CNTNAP2: variants seen among roughly 807,000 people sequenced by gnomAD.
CNTNAP2 encodes the protein contactin-associated protein-like 2.
In CNTNAP2, 98 loss-of-function variants were observed where a neutral mutation model predicts 155.2. The observed-to-expected ratio is 0.63, with a 90% CI of 0.54 to 0.75. The LOEUF is 0.75. Among genes scored for constraint, CNTNAP2 ranks in the 30% least tolerant of loss-of-function variants. CNTNAP2 has a pLI of 0.00. For synonymous variants in CNTNAP2, 651 were observed against 631.2 expected (o/e 1.03, Z -0.47); for missense variants, 1,727 against 1,688.1 (o/e 1.02, Z -0.40).
intron 16 of CNTNAP2, among the ~76,000 whole-genome samples, chr7:148,124,695 C>T (rs1465401917): frequency 1.3e-5 from 2 of 152,194 alleles, no homozygotes; most frequent in Non-Finnish European, 1.5e-5. Context: ...TTGTAGTTTA[C>T]ACAGCAAGTT....
intron 9 of CNTNAP2, among the ~76,000 whole-genome samples, chr7:147,317,487 C>G (rs1050044469): frequency 1.3e-5 from 2 of 152,180 alleles, no homozygotes; most frequent in Admixed American, 6.5e-5. Flanking sequence ...CTTCCTTGAG[C>G]TAATAGAGTG....
At chr7:147,459,881 G>A (rs1033713658) in intron 10 of CNTNAP2, among the ~76,000 whole-genome samples, 4 of 152,086 alleles carry the variant, frequency 2.6e-5, no homozygotes, top group Non-Finnish European at 1.5e-5. Context: ...GATGAAATAG[G>A]TAGGTCTGAA....
chr7:146,184,022 T>C (rs1451638316), intron 1 of CNTNAP2, among the ~76,000 whole-genome samples: 4 of 151,946 alleles, frequency 2.6e-5, no homozygotes, highest in Non-Finnish European at 5.9e-5. Context: ...TCTCAAGGTC[T>C]CCCTTGTGAA....
chr7:147,469,275 A>C (rs1386736799), intron 10 of CNTNAP2, among the ~76,000 whole-genome samples: 1 of 151,616 alleles, frequency 6.6e-6, no homozygotes, highest in Non-Finnish European at 1.5e-5. Context: ...TTCAGGAAAA[A>C]CTCTACAAAA....
At position 147,471,540 on chromosome 7, in the gene CNTNAP2, A is replaced by T. The variant is rs79536433; in HGVS notation, c.1671-14395A>T. 4.3e-4 allele frequency among the ~76,000 whole-genome samples: 66 copies of T among 152,364 alleles called. No homozygotes were observed. In the East Asian group the frequency reaches 0.013, roughly 29 times the overall value. ...CATGTTCTTAGCAGATGTATGTTTA[A>T]GTATTGTCGTGTCTACGACTTTCCT... is the stretch of plus-strand genomic sequence containing the variant. On this transcript the variant is annotated intron_variant, in intron 10 of 23. Transcript: ENST00000361727.
At chr7:148,067,824 G>A (rs991628578) in intron 15 of CNTNAP2, among the ~76,000 whole-genome samples, 3 of 152,192 alleles carry the variant, frequency 2.0e-5, no homozygotes, top group African/African-American at 7.2e-5. Context: ...AGGGCTTGCT[G>A]CAGCCACTTT....
intron 1 of CNTNAP2, among the ~76,000 whole-genome samples, chr7:146,491,487 G>A (rs1321450135): frequency 1.3e-5 from 2 of 151,912 alleles, no homozygotes; most frequent in Non-Finnish European, 2.9e-5. Context: ...TCAGATTAGG[G>A]CGTTTTGGAA....
chr7:147,885,004 T>C (rs888923585), intron 13 of CNTNAP2, among the ~76,000 whole-genome samples: 2 of 152,228 alleles, frequency 1.3e-5, no homozygotes, highest in Non-Finnish European at 2.9e-5. Context: ...TGTTGAAGAA[T>C]GGATGCATTT....
At chr7:147,713,020 T>C (rs1796425005) in intron 13 of CNTNAP2, among the ~76,000 whole-genome samples, 1 of 152,154 alleles carries the variant, frequency 6.6e-6, no homozygotes, top group Non-Finnish European at 1.5e-5. Flanking sequence ...TTTATAACGA[T>C]CCCTAAACCT....
chr7:146,880,567 A>G (rs984499819), intron 3 of CNTNAP2, among the ~76,000 whole-genome samples: 1 of 152,136 alleles, frequency 6.6e-6, no homozygotes, highest in Admixed American at 6.6e-5. Flanking sequence ...GAGTTGAAAT[A>G]TGAACCCAGA....
intron 8 of CNTNAP2, among the ~76,000 whole-genome samples, chr7:147,160,110 T>C (rs920606269): frequency 1.3e-5 from 2 of 152,078 alleles, no homozygotes; most frequent in African/African-American, 4.8e-5. Context: ...GACTGACAAA[T>C]TGGTTTGTCA....
At chr7:147,756,215 G>C (rs1797212050) in intron 13 of CNTNAP2, among the ~76,000 whole-genome samples, 1 of 152,192 alleles carries the variant, frequency 6.6e-6, no homozygotes, top group Non-Finnish European at 1.5e-5. Context: ...TATTGAGCTT[G>C]ATATAAAGGC....
chr7:146,713,459 G>A (rs1430169603), intron 1 of CNTNAP2, among the ~76,000 whole-genome samples: 1 of 152,058 alleles, frequency 6.6e-6, no homozygotes, highest in Non-Finnish European at 1.5e-5. Flanking sequence ...ATAACTACCA[G>A]CTTGGCAGAG....
intron 1 of CNTNAP2, among the ~76,000 whole-genome samples, chr7:146,479,883 C>T (rs1423874255): frequency 6.6e-6 from 1 of 152,144 alleles, no homozygotes. Context: ...CTCCCGTGTT[C>T]AAACGATTCT....
At chr7:146,178,509 A>C (rs1163338728) in intron 1 of CNTNAP2, among the ~76,000 whole-genome samples, 1 of 152,214 alleles carries the variant, frequency 6.6e-6, no homozygotes, top group Non-Finnish European at 1.5e-5. Context: ...TACAGAACAT[A>C]AGCTTTGGGC....
intron 3 of CNTNAP2, among the ~76,000 whole-genome samples, chr7:147,028,787 A>C (rs1798970437): frequency 6.6e-6 from 1 of 152,090 alleles, no homozygotes; most frequent in Non-Finnish European, 1.5e-5. Flanking sequence ...GAATAAGCAA[A>C]ATATTCCTGT....
intron 1 of CNTNAP2, among the ~76,000 whole-genome samples, chr7:146,393,850 G>T (rs1795581209): frequency 6.6e-6 from 1 of 152,000 alleles, no homozygotes; most frequent in African/African-American, 2.4e-5. Flanking sequence ...TAATTTAAAA[G>T]AGGCATAAGC....
In CNTNAP2 at chr7:146,403,419, G is replaced by T. The variant is rs149336298; in HGVS notation, c.97+286446G>T. ...ATGTATAGAATTTGTATAATATTAG[G>T]TTTAAATTTCTTTTCTGCTGCGATT... On this transcript the variant is annotated intron_variant, in intron 1 of 23. Coordinates refer to ENST00000361727, the MANE Select transcript of CNTNAP2 (RefSeq NM_014141.6). Among the ~76,000 whole-genome samples the T allele has an allele frequency of 3.5e-3, 528 of 152,130 alleles. 2 individuals are homozygous for T. The highest frequency in any genetic ancestry group is 0.012 in the African/African-American group (488 of 41,510).
intron 12 of CNTNAP2, among the ~76,000 whole-genome samples, chr7:147,582,657 A>G (rs556585577): frequency 1.3e-5 from 2 of 152,146 alleles, no homozygotes; most frequent in Non-Finnish European, 2.9e-5. Flanking sequence ...TTATCATAAC[A>G]GAAGTAAAAC....
Sources: allele counts gnomAD v4.1 joint callset (sites outside exome capture counted in the v4.1 genomes callset), GRCh38; gene constraint gnomAD v4.1.1; transcripts MANE v1.5; gene names NCBI Gene and HGNC (gene_info 2026-07-23, HGNC 2026-07-21).